Variants in ZNF780B observed in about 807,000 individuals in gnomAD.
The protein encoded by ZNF780B is zinc finger protein 780B.
ZNF780B carries 52 observed loss-of-function variants against 74.1 expected under a neutral mutation model. The observed-to-expected ratio is 0.70, with a 90% CI of 0.56 to 0.88. ZNF780B has a LOEUF of 0.88. Ranked by LOEUF, ZNF780B falls within the 40% of genes least tolerant of loss-of-function variation. ZNF780B has a pLI of 0.00. For missense variants in ZNF780B, 953 were observed against 1,007.6 expected, an observed-to-expected ratio of 0.95 and a Z score of 0.73; for synonymous variants, 315 against 324.3, an observed-to-expected ratio of 0.97 and a Z score of 0.31.
chr19:40,045,966 C>A (rs559174683), intron 4 of ZNF780B, among the ~76,000 whole-genome samples: 1 of 151,994 alleles, frequency 6.6e-6, no homozygotes, highest in African/African-American at 2.4e-5. Context: ...CCAGCCTGGG[C>A]GACAAGAATG....
chr19:40,043,932 A>C (rs976644582), intron 4 of ZNF780B, among the ~76,000 whole-genome samples: 16 of 152,010 alleles, frequency 1.1e-4, no homozygotes, highest in African/African-American at 3.9e-4. Flanking sequence ...ACTGTCTGGC[A>C]CTCCCTAGTG....
Position 40,036,258 on chromosome 19 carries a change from C to G in ZNF780B, c.601G>C (p.Ala201Pro), listed in dbSNP as rs1972305935. The part of the protein sequence containing the change: ...KPYKCKECGK[A>P]FQLHIQLTRH... Reference sequence around the variant, plus strand: ...GTAAGTTGTATGTGAAGTTGAAAGGCTTTCCCACATTCTTTGCATTTATAG... The same window carrying G: ...GTAAGTTGTATGTGAAGTTGAAAGGGTTTCCCACATTCTTTGCATTTATAG... The change falls in exon 5 of 5, where the codon GCC becomes CCC. Residue 201 changes from alanine (A) to proline (P), a missense_variant. Physicochemically the swap from Ala to Pro is conservative, Grantham distance 27 (BLOSUM62 -1). Transcript: ENST00000434248. The G allele has an allele frequency of 1.2e-6, 2 of 1,612,178 alleles. No individual in the cohort carries two copies. Among genetic ancestry groups the G allele is most frequent in the Non-Finnish European group, 1.7e-6 (2 of 1,179,408 alleles).
rs1972149792 is a variant in ZNF780B at position 40,034,676 on chromosome 19, T to C, written c.2183A>G (p.Lys728Arg). 1 of 1,614,092 alleles carries C rather than the reference T, an allele frequency of 6.2e-7. No individual in the cohort carries two copies. Residue 728 changes from lysine (K) to arginine (R), a missense_variant, in exon 5 of 5, where the codon AAA (lysine) becomes AGA (arginine). Lys to Arg is a conservative substitution (Grantham distance 26). Coordinates refer to ENST00000434248, the MANE Select transcript of ZNF780B (RefSeq NM_001005851.3). ...AAGACCAAAGGCCTTTCCGCATTCT[T>C]TACATTCAAAGGGTTTCTCACCAGT... is the stretch of plus-strand genomic sequence containing the variant. ...IHTGEKPFEC[K>R]ECGKAFGLLT...
intron 2 of ZNF780B, 91 bp downstream of exon 2, chr19:40,050,233 C>T (rs1973150871): frequency 6.0e-6 from 6 of 1,000,644 alleles, no homozygotes; most frequent in Non-Finnish European, 8.6e-6. Flanking sequence ...ATCGTGGATC[C>T]TTACGTAAGA....
At chr19:40,052,427 T>C (rs1277675656) in intron 1 of ZNF780B, among the ~76,000 whole-genome samples, 1 of 152,172 alleles carries the variant, frequency 6.6e-6, no homozygotes, top group Non-Finnish European at 1.5e-5. Flanking sequence ...TATGAAATGA[T>C]ATACTATTTC....
rs117334822 is a variant in ZNF780B at position 40,046,419 on chromosome 19, T to C, written c.232+956A>G. On this transcript the variant is annotated intron_variant, in intron 4 of 4. Transcript: ENST00000434248. ...TCAATTAAAAATGAATAAATAACTC[T>C]TGAAGAACTTCCCACATTCCTCACA... 1.3e-3 allele frequency among the ~76,000 whole-genome samples: 194 copies of C among 152,324 alleles called. 4 individuals are homozygous for C. In the East Asian group the frequency reaches 0.036, roughly 28 times the overall value.
chr19:40,056,016 A>G (rs1599808181), intron 1 of ZNF780B, 173 bp downstream of exon 1: 1 of 152,756 alleles, frequency 6.5e-6, no homozygotes, highest in East Asian at 1.9e-4. Context: ...CCATCCTTTG[A>G]TGCCCGCGCA....
chr19:40,051,637 CTG>C (rs1973239571), intron 1 of ZNF780B, among the ~76,000 whole-genome samples: 2 of 152,260 alleles, frequency 1.3e-5, no homozygotes, highest in South Asian at 4.1e-4. Flanking sequence ...AAACAAAAAA[CTG>C]TGCCTGTCAT....
chr19:40,053,664 T>C (rs1295896999), intron 1 of ZNF780B, among the ~76,000 whole-genome samples: 2 of 152,190 alleles, frequency 1.3e-5, no homozygotes, highest in East Asian at 1.9e-4. Flanking sequence ...AATCTAACTG[T>C]CTATCAATGA....
intron 2 of ZNF780B, 68 bp downstream of exon 2, chr19:40,050,256 A>T: frequency 7.1e-7 from 1 of 1,403,462 alleles, no homozygotes; most frequent in Non-Finnish European, 9.8e-7. Flanking sequence ...GTTCAGGTTT[A>T]ATAATAACAG....
At chr19:40,053,915 G>A (rs890257568) in intron 1 of ZNF780B, among the ~76,000 whole-genome samples, 1 of 152,246 alleles carries the variant, frequency 6.6e-6, no homozygotes, top group Non-Finnish European at 1.5e-5. Context: ...CGGAGGCGAA[G>A]GCCGAGGCAG....
At chr19:40,050,641 T>C (rs1973182619) in intron 1 of ZNF780B, among the ~76,000 whole-genome samples, 1 of 152,238 alleles carries the variant, frequency 6.6e-6, no homozygotes, top group African/African-American at 2.4e-5. Context: ...GCACAGGCAT[T>C]TCTGCCTTGA....
chr19:40,046,334 CCTT>C (rs796536412), intron 4 of ZNF780B, among the ~76,000 whole-genome samples: 3 of 152,296 alleles, frequency 2.0e-5, no homozygotes, highest in African/African-American at 7.2e-5. Context: ...GTTCATTACA[CCTT>C]CTATGCATGG....
intron 1 of ZNF780B, among the ~76,000 whole-genome samples, chr19:40,052,644 A>G (rs559210390): frequency 8.5e-5 from 13 of 152,326 alleles, no homozygotes; most frequent in African/African-American, 2.9e-4. Flanking sequence ...TCTGGAGCAA[A>G]AAGAACAAAG....
chr19:40,054,945 C>T (rs946634526), intron 1 of ZNF780B, among the ~76,000 whole-genome samples: 2 of 152,178 alleles, frequency 1.3e-5, no homozygotes, highest in Non-Finnish European at 2.9e-5. Context: ...CATGGACTCT[C>T]CCGAAAAATC....
chr19:40,050,436 C>A, intron 1 of ZNF780B, 59 bp from the exon 2 acceptor site: 2 of 1,441,418 alleles, frequency 1.4e-6, no homozygotes, highest in Non-Finnish European at 1.9e-6. Flanking sequence ...AGCACTAGAA[C>A]GAATAAATAT....
intron 1 of ZNF780B, among the ~76,000 whole-genome samples, chr19:40,051,108 A>T (rs1346000236): frequency 6.6e-6 from 1 of 152,212 alleles, no homozygotes; most frequent in Non-Finnish European, 1.5e-5. Context: ...GCATGCTAAC[A>T]GTGCTTATCT....
At chr19:40,045,883 G>A (rs933160444) in intron 4 of ZNF780B, among the ~76,000 whole-genome samples, 5 of 152,122 alleles carry the variant, frequency 3.3e-5, no homozygotes, top group African/African-American at 9.7e-5. Flanking sequence ...AGTTACTCTA[G>A]AGGCTGAGGC....
At chr19:40,042,415 A>G (rs1223175949) in intron 4 of ZNF780B, among the ~76,000 whole-genome samples, 8 of 152,002 alleles carry the variant, frequency 5.3e-5, no homozygotes, top group Non-Finnish European at 1.2e-4. Context: ...TCTTTGTGGC[A>G]TTCTCTGTAT....
Sources: allele counts gnomAD v4.1 joint callset (sites outside exome capture counted in the v4.1 genomes callset), GRCh38; gene constraint gnomAD v4.1.1; transcripts MANE v1.5; gene names NCBI Gene and HGNC (gene_info 2026-07-23, HGNC 2026-07-21).